The following MECOM variants were observed in gnomAD, a reference collection of about 807,000 sequenced individuals.
MECOM encodes the protein histone-lysine N-methyltransferase MECOM.
MECOM carries 13 observed loss-of-function variants against 116.3 expected under a neutral mutation model. The observed-to-expected ratio is 0.11, with a 90% CI of 0.07 to 0.18. MECOM has a LOEUF of 0.18. Among genes scored for constraint, MECOM ranks in the 10% least tolerant of loss-of-function variants. The pLI, the probability that MECOM is intolerant of heterozygous loss-of-function variation, is 1.00. For missense variants in MECOM, 1,299 were observed against 1,509.0 expected (o/e 0.86, Z 2.31); for synonymous variants, 528 against 535.2 (o/e 0.99, Z 0.19).
chr3:169,116,743 T>C lies in MECOM; in HGVS notation c.1133-4A>G. The C allele has an allele frequency of 4.5e-6, 7 of 1,570,176 alleles. No homozygotes were observed. Among genetic ancestry groups the C allele is most frequent in the Non-Finnish European group, 6.0e-6 (7 of 1,159,932 alleles). Reference sequence around the variant, plus strand: ...TAGGATTTATGGCAGACCTCACCTGTGTGCAAACAACAAAAAAGAATCTCA... The same window carrying C: ...TAGGATTTATGGCAGACCTCACCTGCGTGCAAACAACAAAAAAGAATCTCA... On this transcript the variant is annotated splice_region_variant and splice_polypyrimidine_tract_variant and intron_variant, in intron 7 of 16. Coordinates refer to ENST00000651503, the MANE Select transcript of MECOM (RefSeq NM_004991.4).
chr3:169,419,575 A>G (rs1346258338), intron 1 of MECOM, among the ~76,000 whole-genome samples: 4 of 151,694 alleles, frequency 2.6e-5, no homozygotes, highest in Non-Finnish European at 5.9e-5. Context: ...GATTGGTCTT[A>G]CACCTTCCTT....
At chr3:169,322,978 T>C (rs1364212915) in intron 2 of MECOM, among the ~76,000 whole-genome samples, 3 of 110,644 alleles carry the variant, frequency 2.7e-5, no homozygotes, top group Non-Finnish European at 4.9e-5. Context: ...CCAGCCTGCA[T>C]GACAGAGCAA....
chr3:169,621,828 A>G (rs925104722), intron 1 of MECOM, among the ~76,000 whole-genome samples: 3 of 152,158 alleles, frequency 2.0e-5, no homozygotes, highest in African/African-American at 7.2e-5. Context: ...AACTGTCAAT[A>G]AATAGGTGCC....
chr3:169,383,755 A>C (rs1732859496), intron 1 of MECOM, among the ~76,000 whole-genome samples: 1 of 152,162 alleles, frequency 6.6e-6, no homozygotes, highest in Non-Finnish European at 1.5e-5. Context: ...TTAGGTTTGG[A>C]CTAAAATCTC....
At chr3:169,123,484 T>C (rs963668973) in intron 5 of MECOM, among the ~76,000 whole-genome samples, 2 of 152,074 alleles carry the variant, frequency 1.3e-5, no homozygotes, top group African/African-American at 2.4e-5. Context: ...GTTTAAATTG[T>C]TTTATCTTCT....
chr3:169,601,401 A>AC (rs1767815195), intron 1 of MECOM, among the ~76,000 whole-genome samples: 1 of 152,274 alleles, frequency 6.6e-6, no homozygotes, highest in Non-Finnish European at 1.5e-5. Flanking sequence ...AGAGGAAGGC[A>AC]GCAGAGATGT....
chr3:169,215,226 T>C (rs1388501668), intron 2 of MECOM, among the ~76,000 whole-genome samples: 8 of 140,240 alleles, frequency 5.7e-5, no homozygotes, highest in Non-Finnish European at 1.1e-4. Context: ...TGTCTTTTTT[T>C]TCCCCCTCCT....
rs991167408 is a variant in MECOM, at chr3:169,086,702, T to A, written c.3586-1659A>T. The A allele has an allele frequency of 5.3e-6, 3 of 569,014 alleles. No homozygotes were observed. In the African/African-American group the frequency reaches 5.6e-5, roughly 11 times the overall value. The allele number at this position is 569,014 out of a possible 1,614,324, so 35.2% of individuals were successfully genotyped here. ...ATAAATAGTACCTATTACCATGAAA[T>A]TAATTTTTACCGGATAGAGTTTCTT... On this transcript the variant is annotated intron_variant, in intron 16 of 16. Coordinates refer to ENST00000651503, the MANE Select transcript of MECOM (RefSeq NM_004991.4).
At chr3:169,262,989 T>A (rs1475858568) in intron 2 of MECOM, among the ~76,000 whole-genome samples, 7 of 149,530 alleles carry the variant, frequency 4.7e-5, no homozygotes, top group Admixed American at 4.0e-4. Context: ...TCATGTCTTT[T>A]CTTTGATCCA....
At chr3:169,250,704 CAATTT>C (rs1287037135) in intron 2 of MECOM, among the ~76,000 whole-genome samples, 1 of 151,942 alleles carries the variant, frequency 6.6e-6, no homozygotes, top group Non-Finnish European at 1.5e-5. Context: ...TGATGAAATT[CAATTT>C]GAGTATGCAT....
intron 1 of MECOM, among the ~76,000 whole-genome samples, chr3:169,573,585 A>C (rs1242585818): frequency 6.6e-6 from 1 of 152,180 alleles, no homozygotes; most frequent in Non-Finnish European, 1.5e-5. Context: ...GTCCCAATAT[A>C]GACCTTAGCG....
chr3:169,609,053 T>C (rs772715619), intron 1 of MECOM, among the ~76,000 whole-genome samples: 10 of 152,218 alleles, frequency 6.6e-5, no homozygotes, highest in Admixed American at 2.0e-4. Context: ...TCTATTAACT[T>C]TCTGCTGACC....
intron 1 of MECOM, among the ~76,000 whole-genome samples, chr3:169,616,325 T>G (rs939753600): frequency 6.6e-6 from 1 of 152,020 alleles, no homozygotes; most frequent in East Asian, 1.9e-4. Context: ...CCTTAGAGTT[T>G]TTTTGGTTTT....
intron 1 of MECOM, among the ~76,000 whole-genome samples, chr3:169,385,838 G>A (rs1733230261): frequency 2.0e-5 from 3 of 152,074 alleles, no homozygotes; most frequent in African/African-American, 7.2e-5. Flanking sequence ...GACAGATTGG[G>A]CACGTTTACA....
At chr3:169,263,051 C>T (rs1401888064) in intron 2 of MECOM, among the ~76,000 whole-genome samples, 1 of 116,438 alleles carries the variant, frequency 8.6e-6, no homozygotes, top group Non-Finnish European at 1.7e-5. Context: ...CTTAAACTAG[C>T]TATTTGTTGC....
At chr3:169,650,522 T>G (rs1311359801) in intron 1 of MECOM, among the ~76,000 whole-genome samples, 1 of 152,062 alleles carries the variant, frequency 6.6e-6, no homozygotes, top group East Asian at 1.9e-4. Context: ...GAAATAGAAA[T>G]GGGGCATAAT....
chr3:169,334,490 TG>T (rs1449216388), intron 2 of MECOM, among the ~76,000 whole-genome samples: 1 of 152,150 alleles, frequency 6.6e-6, no homozygotes, highest in African/African-American at 2.4e-5. Flanking sequence ...GGATGGGCCT[TG>T]GGGATCAGAA....
chr3:169,511,758 G>C (rs1285518661), intron 1 of MECOM, among the ~76,000 whole-genome samples: 1 of 151,484 alleles, frequency 6.6e-6, no homozygotes, highest in Non-Finnish European at 1.5e-5. Flanking sequence ...AACAGAGTTA[G>C]ACTCTGTCTT....
At chr3:169,142,670 A>ACCT in intron 3 of MECOM, among the ~76,000 whole-genome samples, 4 of 152,082 alleles carry the variant, frequency 2.6e-5, no homozygotes, top group African/African-American at 9.6e-5. Flanking sequence ...TACCTCTTAC[A>ACCT]CCGTTTAGTC....
Sources: allele counts gnomAD v4.1 joint callset (sites outside exome capture counted in the v4.1 genomes callset), GRCh38; gene constraint gnomAD v4.1.1; transcripts MANE v1.5; gene names NCBI Gene and HGNC (gene_info 2026-07-23, HGNC 2026-07-21).